ZNF318: variants seen among roughly 807,000 people sequenced by gnomAD.
ZNF318 encodes the protein endocrine regulator.
Under a neutral mutation model 124.2 loss-of-function variants are expected in ZNF318, and 51 were observed. The ratio of observed to expected loss-of-function variants is 0.41; its 90% CI spans 0.33 to 0.52. The LOEUF (loss-of-function observed/expected upper bound fraction) is 0.52. Among genes scored for constraint, ZNF318 ranks in the 20% least tolerant of loss-of-function variants. The probability of loss-of-function intolerance (pLI) is 0.23; values close to 1 mark genes in which losing one functional copy is unlikely to be tolerated. For synonymous variants in ZNF318, 1,090 were observed against 1,040.7 expected, an observed-to-expected ratio of 1.05 and a Z score of -0.91; for missense variants, 2,815 against 2,811.2, an observed-to-expected ratio of 1.00 and a Z score of -0.03.
At position 43,339,265 on chromosome 6, in the gene ZNF318, T is replaced by G; in HGVS notation, c.4733A>C (p.Lys1578Thr). The G allele has an allele frequency of 6.2e-7, 1 of 1,614,098 alleles. No individual in the cohort carries two copies. Among genetic ancestry groups the G allele is most frequent in the Non-Finnish European group, 8.5e-7 (1 of 1,179,970 alleles). Reference protein sequence around the residue: ...LYDIFYSSGGKGAPETKGAPE... With the variant: ...LYDIFYSSGGTGAPETKGAPE... The stretch of plus-strand genomic sequence containing the variant: ...GGCCCCCTTAGTCTCAGGGGCCCCC[T>G]TTCCACCACTACTATAGAATATGTC... Residue 1578 changes from lysine to threonine, a missense_variant, in exon 10 of 10, where the codon AAG becomes ACG. Physicochemically the swap from Lys to Thr is moderately conservative, Grantham distance 78. Coordinates refer to ENST00000361428, the MANE Select transcript of ZNF318 (RefSeq NM_014345.3). The surrounding 1 kb of genome is among the most constrained non-coding windows in gnomAD (Gnocchi z 4.2).
At chr6:43,368,400 A>C (rs528356422) in intron 1 of ZNF318, among the ~76,000 whole-genome samples, 2 of 152,332 alleles carry the variant, frequency 1.3e-5, no homozygotes, top group East Asian at 3.9e-4. Flanking sequence ...AATTCCTGAC[A>C]TAGAACTCGA....
rs200712056 is a variant in ZNF318, at chr6:43,346,641, AGG to A, written c.3072+1681_3072+1682del. Among the ~76,000 whole-genome samples the A allele has an allele frequency of 1.9e-3, 293 of 152,268 alleles. 2 individuals are homozygous for A. In the East Asian group the frequency reaches 0.021, roughly 11 times the overall value. On this transcript the variant is annotated intron_variant, in intron 6 of 9. Transcript: ENST00000361428. Reference sequence around the variant, plus strand: ...GAAACAAATTACAGAGTGCTAAAGAAGGCTGACTAGATCTGGGTGGAATTCTG... The same window carrying A: ...GAAACAAATTACAGAGTGCTAAAGAACTGACTAGATCTGGGTGGAATTCTG...
chr6:43,351,366 C>T (rs889781905), intron 5 of ZNF318, among the ~76,000 whole-genome samples: 3 of 152,112 alleles, frequency 2.0e-5, no homozygotes, highest in Non-Finnish European at 4.4e-5. Context: ...TGCTAATATC[C>T]TAATTTTGAT....
chr6:43,339,210 C>T lies in ZNF318; in HGVS notation c.4788G>A (p.Leu1596=). ...APETKLSGGP[L]ANGENSNLSR... is the part of the protein sequence containing the mutation. Reference sequence around the variant, plus strand: ...AGAGGTTGCTATTTTCCCCATTGGCCAATGGACCACCACTTAGCTTAGTCT... The same window carrying T: ...AGAGGTTGCTATTTTCCCCATTGGCTAATGGACCACCACTTAGCTTAGTCT... Residue 1596 remains leucine (L), a synonymous_variant, in exon 10 of 10, where the codon TTG becomes TTA. Transcript: ENST00000361428. The surrounding 1 kb of genome is among the most constrained non-coding windows in gnomAD (Gnocchi z 4.2). 6.2e-7 allele frequency: 1 copy of T among 1,614,160 alleles called. No individual in the cohort carries two copies. Among genetic ancestry groups the T allele is most frequent in the South Asian group, 1.1e-5 (1 of 91,076 alleles).
At position 43,339,047 on chromosome 6, in the gene ZNF318, C is replaced by G. The variant is rs1779332383; in HGVS notation, c.4951G>C (p.Val1651Leu). ...ACAACTGACCATTTCCCTAGGGCCA[C>G]CAGAGTTTTTGCAATGGGCTTTTCA... ...NSEKPIAKTL[V>L]ALGKWSVVEH... The change falls in exon 10 of 10, where the codon GTG (valine) becomes CTG (leucine). Residue 1651 changes from valine to leucine, a missense_variant. Val to Leu is a conservative substitution (Grantham distance 32, BLOSUM62 1). Around this residue, in one of 4 missense-constraint regions of ZNF318, gnomAD observed 927 missense variants for 820.6 expected, o/e 1.13. Transcript: ENST00000361428. The surrounding 1 kb of genome is among the most constrained non-coding windows in gnomAD (Gnocchi z 4.2). 1 of 1,614,172 alleles carries G rather than the reference C, an allele frequency of 6.2e-7. No homozygotes were observed. Among genetic ancestry groups the G allele is most frequent in the Non-Finnish European group, 8.5e-7 (1 of 1,180,038 alleles).
Position 43,369,464 on chromosome 6 carries a change from G to A in ZNF318, c.-99C>T. 2 of 974,120 alleles carry A rather than the reference G, an allele frequency of 2.1e-6. No individual in the cohort carries two copies. Among genetic ancestry groups the A allele is most frequent in the Non-Finnish European group, 2.5e-6 (2 of 788,222 alleles). 60.3% of individuals were successfully genotyped at this position (974,120 alleles called of 1,614,324 possible). ...CGCAGCTGCAGCCGCCGCCACCTCGGCCGCTGCGCGCCGCCTCAGCCGCGG... is the reference window on the plus strand; with the variant it reads ...CGCAGCTGCAGCCGCCGCCACCTCGACCGCTGCGCGCCGCCTCAGCCGCGG... On this transcript the variant is annotated 5_prime_UTR_variant, in exon 1 of 10. Transcript: ENST00000361428.
rs375530747 is a variant in ZNF318 at position 43,358,902 on chromosome 6, T to A, written c.549-1137A>T. On this transcript the variant is annotated intron_variant, in intron 2 of 9. Coordinates refer to ENST00000361428, the MANE Select transcript of ZNF318 (RefSeq NM_014345.3). ...GTGTTCCAGAGGTTGTAAAGAGTGC[T>A]CAGGAGCTACCAAAAGAAAGGAGGT... is the stretch of plus-strand genomic sequence containing the variant. 1.6e-4 allele frequency among the ~76,000 whole-genome samples: 25 copies of A among 152,276 alleles called. No homozygotes were observed. In the East Asian group the frequency reaches 3.1e-3, roughly 19 times the overall value.
chr6:43,356,418 TTA>T (rs954882593), intron 3 of ZNF318, among the ~76,000 whole-genome samples: 2 of 152,170 alleles, frequency 1.3e-5, no homozygotes, highest in African/African-American at 4.8e-5. Flanking sequence ...CAAAAGAATT[TTA>T]GAGATCCCCT....
chr6:43,358,784 G>T (rs1190746044), intron 2 of ZNF318, among the ~76,000 whole-genome samples: 1 of 151,428 alleles, frequency 6.6e-6, no homozygotes, highest in African/African-American at 2.4e-5. Context: ...TCGAACTCCT[G>T]ATCTCAGGTG....
rs1219676868 is a variant in ZNF318, at chr6:43,338,105, T to G, written c.5893A>C (p.Arg1965=). ...ELAVWDENKK[R]PETWESPEKP... is the part of the protein sequence containing the mutation. Reference sequence around the variant, plus strand: ...TCTGGGCTCTCCCAGGTCTCTGGCCTCTTCTTGTTTTCATCCCAAACAGCC... The same window carrying G: ...TCTGGGCTCTCCCAGGTCTCTGGCCGCTTCTTGTTTTCATCCCAAACAGCC... Residue 1965 remains arginine, a synonymous_variant, in exon 10 of 10, where the codon AGG becomes CGG. Coordinates refer to ENST00000361428, the MANE Select transcript of ZNF318 (RefSeq NM_014345.3). 1 of 1,613,364 alleles carries G rather than the reference T, an allele frequency of 6.2e-7. No individual in the cohort carries two copies. The highest frequency in any genetic ancestry group is 8.5e-7 in the Non-Finnish European group (1 of 1,179,836).
intron 9 of ZNF318, 116 bp from the exon 10 acceptor site, chr6:43,340,618 G>A (rs977267446): frequency 1.9e-5 from 28 of 1,500,894 alleles, no homozygotes; most frequent in East Asian, 2.4e-5. Flanking sequence ...TCTTCCTCAA[G>A]GACATACGGG....
At position 43,369,154 on chromosome 6, in the gene ZNF318, G is replaced by T; in HGVS notation, c.212C>A (p.Ser71Tyr). Residue 71 changes from serine (S) to tyrosine (Y), a missense_variant, in exon 1 of 10, where the codon TCC becomes TAC. Transcript: ENST00000361428. ...GGAGACGCGACGACCCCGTGGCGGG[G>T]ACGGCGAGGCCCGGCGGCCGCGGTG... ...SGHRGRRASP[S>Y]PPRGRRVSPS... The T allele has an allele frequency of 1.6e-6, 2 of 1,218,738 alleles. No homozygotes were observed. The highest frequency in any genetic ancestry group is 4.1e-5 in the South Asian group (1 of 24,628). The allele number at this position is 1,218,738 out of a possible 1,614,324, so 75.5% of individuals were successfully genotyped here.
In ZNF318 at chr6:43,342,276, T is replaced by G. The variant is rs556013291; in HGVS notation, c.3277-65A>C. 1.5e-5 allele frequency: 20 copies of G among 1,344,118 alleles called. No homozygotes were observed. The South Asian group carries it at 2.5e-4, about 17-fold the overall frequency. 83.3% of individuals were successfully genotyped at this position (1,344,118 alleles called of 1,614,324 possible). Reference sequence around the variant, plus strand: ...AAAGCTCAATGACCCACTTTTCTCTTTTTTTTCCCCCATAATAAGACCAGG... The same window carrying G: ...AAAGCTCAATGACCCACTTTTCTCTGTTTTTTCCCCCATAATAAGACCAGG... On this transcript the variant is annotated intron_variant, in intron 7 of 9. Transcript: ENST00000361428.
Position 43,336,901 on chromosome 6 carries a change from CA to C in ZNF318, c.*256del, listed in dbSNP as rs1322251919. 4 of 188,900 alleles carry C rather than the reference CA, an allele frequency of 2.1e-5. No homozygotes were observed. The highest frequency in any genetic ancestry group is 4.2e-5 in the Non-Finnish European group (4 of 95,444). 11.7% of individuals were successfully genotyped at this position (188,900 alleles called of 1,614,324 possible). On this transcript the variant is annotated 3_prime_UTR_variant, in exon 10 of 10. Transcript: ENST00000361428. ...ACAAAGTGGGAGAAAATAAATTGGC[CA>C]AAAAAATTAACAAAATACATTTTTA...
At chr6:43,340,984 AC>A in intron 8 of ZNF318, 76 bp from the exon 9 acceptor site, 1 of 1,071,710 alleles carries the variant, frequency 9.3e-7, no homozygotes, top group Non-Finnish European at 1.4e-6. Flanking sequence ...AAATCCCACC[AC>A]CCCTTTGCAG....
At chr6:43,343,359 T>C (rs1224659310) in intron 6 of ZNF318, among the ~76,000 whole-genome samples, 3 of 152,010 alleles carry the variant, frequency 2.0e-5, no homozygotes, top group Admixed American at 1.3e-4. Context: ...ATGCAGAAAA[T>C]AGGTGATAGT....
chr6:43,355,938 G>A lies in ZNF318; in HGVS notation c.1396C>T (p.Leu466Phe), dbSNP rs1779602469. 6.2e-7 allele frequency: 1 copy of A among 1,614,220 alleles called. No individual in the cohort carries two copies. Among genetic ancestry groups the A allele is most frequent in the Non-Finnish European group, 8.5e-7 (1 of 1,180,038 alleles). Residue 466 changes from leucine to phenylalanine, a missense_variant, in exon 4 of 10, where the codon CTC (leucine) becomes TTC (phenylalanine). Coordinates refer to ENST00000361428, the MANE Select transcript of ZNF318 (RefSeq NM_014345.3). ...LPGIPKDNSP[L>F]REKFGSFLCH... ...AGAAAACTTCCAAATTTTTCTCTGA[G>A]AGGACTGTTGTCTTTGGGAATCCCA...
Position 43,356,023 on chromosome 6 carries a change from A to G in ZNF318, c.1311T>C (p.Thr437=). Residue 437 remains threonine, a synonymous_variant, in exon 4 of 10, where the codon ACT becomes ACC. Coordinates refer to ENST00000361428, the MANE Select transcript of ZNF318 (RefSeq NM_014345.3). The stretch of plus-strand genomic sequence containing the variant: ...GTTCCTTCAAGGCAGTCTCTACCAT[A>G]GTCCCCTTGTTTTCAATCTCTGAGG... The part of the protein sequence containing the change: ...AFASEIENKG[T]MVETALKEPQ... 6.2e-7 allele frequency: 1 copy of G among 1,614,200 alleles called. No homozygotes were observed. Among genetic ancestry groups the G allele is most frequent in the Non-Finnish European group, 8.5e-7 (1 of 1,180,022 alleles).
At chr6:43,365,205 C>A in intron 2 of ZNF318, 87 bp downstream of exon 2, 1 of 1,444,878 alleles carries the variant, frequency 6.9e-7, no homozygotes, top group South Asian at 1.3e-5. Flanking sequence ...GAGCTGGCAC[C>A]ATCCTTTCAA....
Sources: allele counts gnomAD v4.1 joint callset (sites outside exome capture counted in the v4.1 genomes callset), GRCh38; gene constraint gnomAD v4.1.1; regional missense constraint gnomAD v4.1.1; non-coding constraint Gnocchi (gnomAD v3.1); transcripts MANE v1.5; gene names NCBI Gene and HGNC (gene_info 2026-07-23, HGNC 2026-07-21).